THSD7B: variants seen among roughly 807,000 people sequenced by gnomAD.
The protein encoded by THSD7B is thrombospondin type 1 domain containing 7B.
Under a neutral mutation model 213.6 loss-of-function variants are expected in THSD7B, and 138 were observed. The ratio of observed to expected loss-of-function variants is 0.65; its 90% confidence interval spans 0.56 to 0.74. The LOEUF is 0.74. THSD7B is among the 30% of genes least tolerant of loss of function. The pLI, the probability that THSD7B is intolerant of heterozygous loss-of-function variation, is 0.00. For synonymous variants in THSD7B, 742 were observed against 687.0 expected (o/e 1.08, Z -1.25); for missense variants, 1,931 against 1,991.5 (o/e 0.97, Z 0.58).
intron 3 of THSD7B, among the ~76,000 whole-genome samples, chr2:137,091,452 C>T (rs374385352): frequency 2.0e-5 from 3 of 152,244 alleles, no homozygotes; most frequent in African/African-American, 7.2e-5. Context: ...CTCGGGCTGT[C>T]GTAAGAAGTT....
At chr2:137,315,562 T>G (rs1684076359) in intron 12 of THSD7B, among the ~76,000 whole-genome samples, 1 of 152,124 alleles carries the variant, frequency 6.6e-6, no homozygotes. Flanking sequence ...TTTTAAAACG[T>G]TTTTCAGTAG....
chr2:137,035,041 A>C (rs932382166), intron 2 of THSD7B, among the ~76,000 whole-genome samples: 3 of 152,176 alleles, frequency 2.0e-5, no homozygotes, highest in African/African-American at 4.8e-5. Flanking sequence ...GTTCTTTCTT[A>C]AAAGAGCTCT....
rs1573818736 is a variant in THSD7B, at chr2:137,093,564, A to G, written c.951-1309A>G. On this transcript the variant is annotated intron_variant, in intron 3 of 27. Transcript: ENST00000409968. ...AAGGTATGATTTCAAATCTTTGAATATGCTATCGTTTTACTTTAGAATAGT... is the reference window on the plus strand; with the variant it reads ...AAGGTATGATTTCAAATCTTTGAATGTGCTATCGTTTTACTTTAGAATAGT... Among the ~76,000 whole-genome samples the G allele has an allele frequency of 2.0e-5, 3 of 152,326 alleles. No individual in the cohort carries two copies. The South Asian group carries it at 6.2e-4, about 32-fold the overall frequency.
chr2:137,240,895 A>T (rs373269583), intron 9 of THSD7B, among the ~76,000 whole-genome samples: 93 of 152,234 alleles, frequency 6.1e-4, no homozygotes, highest in African/African-American at 2.1e-3. Flanking sequence ...ACTCTGAATT[A>T]TCATCTCTTT....
intron 12 of THSD7B, among the ~76,000 whole-genome samples, chr2:137,354,627 A>G (rs914875892): frequency 1.3e-5 from 2 of 152,108 alleles, no homozygotes; most frequent in African/African-American, 2.4e-5. Context: ...ACAGTTTTGA[A>G]TATAAGTTCT....
chr2:137,213,876 A>C (rs959050552), intron 7 of THSD7B, among the ~76,000 whole-genome samples: 1 of 152,112 alleles, frequency 6.6e-6, no homozygotes, highest in African/African-American at 2.4e-5. Flanking sequence ...GGATCACCCC[A>C]GCTGTTTCGT....
intron 15 of THSD7B, among the ~76,000 whole-genome samples, chr2:137,453,669 C>T (rs558112155): frequency 5.3e-5 from 8 of 152,178 alleles, no homozygotes; most frequent in East Asian, 3.9e-4. Context: ...GTACAATACA[C>T]TATTATTAAC....
intron 7 of THSD7B, among the ~76,000 whole-genome samples, chr2:137,206,674 A>G (rs191294400): frequency 6.6e-6 from 1 of 152,096 alleles, no homozygotes; most frequent in African/African-American, 2.4e-5. Flanking sequence ...GATTTTGCTC[A>G]GAAAAGCATT....
Position 136,983,371 on chromosome 2 carries a change from G to GACACACACACACACACACA in THSD7B, c.140-73049_140-73048insACACACACACACACACACA, listed in dbSNP as rs1398395384. Among the ~76,000 whole-genome samples the GACACACACACACACACACA allele has an allele frequency of 1.6e-3, 230 of 141,130 alleles. 2 individuals are homozygous for GACACACACACACACACACA. The highest frequency in any genetic ancestry group is 3.6e-3 in the Middle Eastern group (1 of 276). 92.6% of individuals were successfully genotyped at this position (141,130 alleles called of 152,430 possible). A position where few individuals can be genotyped will look rare whatever the true frequency, so the allele number is the denominator to read the frequency against. ...CACAGACACACAGACACACACACAC[G>GACACACACACACACACACA]CACACACACTCACTCTCTCTCTCTC... On this transcript the variant is annotated intron_variant, in intron 2 of 27. Transcript: ENST00000409968.
intron 3 of THSD7B, among the ~76,000 whole-genome samples, chr2:137,072,112 A>G (rs1687505421): frequency 6.6e-6 from 1 of 152,082 alleles, no homozygotes. Context: ...TTCCATATGA[A>G]CTTTAAAGTA....
intron 7 of THSD7B, among the ~76,000 whole-genome samples, chr2:137,227,636 T>C (rs1295551576): frequency 6.6e-6 from 1 of 152,174 alleles, no homozygotes; most frequent in East Asian, 1.9e-4. Flanking sequence ...CCAATGTATA[T>C]GGGCAGATGA....
intron 1 of THSD7B, among the ~76,000 whole-genome samples, chr2:136,842,020 A>G (rs1453814874): frequency 6.6e-6 from 1 of 152,184 alleles, no homozygotes; most frequent in Non-Finnish European, 1.5e-5. Flanking sequence ...ATGTGTATGG[A>G]ATGTCATACC....
At chr2:137,570,465 C>T (rs946451260) in intron 16 of THSD7B, among the ~76,000 whole-genome samples, 7 of 151,984 alleles carry the variant, frequency 4.6e-5, no homozygotes, top group African/African-American at 9.7e-5. Context: ...CCTGCCACCT[C>T]GCCCAGCTAA....
chr2:137,040,400 T>C (rs1408992279), intron 2 of THSD7B, among the ~76,000 whole-genome samples: 1 of 21,778 alleles, frequency 4.6e-5, no homozygotes, highest in African/African-American at 5.7e-5. Flanking sequence ...CTTCCTCTTC[T>C]TTTTTTTTTT....
At chr2:137,276,106 T>C (rs1198783960) in intron 12 of THSD7B, 80 bp downstream of exon 12, 1 of 918,866 alleles carries the variant, frequency 1.1e-6, no homozygotes, top group Non-Finnish European at 1.6e-6. Flanking sequence ...CTTACTTTTA[T>C]ATTTGAATGA....
chr2:137,432,840 AC>A (rs1349779314), intron 14 of THSD7B, among the ~76,000 whole-genome samples: 1 of 152,150 alleles, frequency 6.6e-6, no homozygotes, highest in African/African-American at 2.4e-5. Flanking sequence ...CCTCAACTTC[AC>A]CAGTCTGTTT....
intron 1 of THSD7B, among the ~76,000 whole-genome samples, chr2:136,860,993 TG>T (rs1298341833): frequency 1.3e-5 from 2 of 152,274 alleles, no homozygotes; most frequent in African/African-American, 4.8e-5. Flanking sequence ...CGCAGATAGC[TG>T]CGTAGCTCAC....
At chr2:136,901,903 G>A (rs1684070153) in intron 2 of THSD7B, among the ~76,000 whole-genome samples, 1 of 152,312 alleles carries the variant, frequency 6.6e-6, no homozygotes, top group East Asian at 1.9e-4. Context: ...TTTTGAAATA[G>A]ACAAGCCAGC....
chr2:137,608,127 G>C (rs1682219955), intron 17 of THSD7B, among the ~76,000 whole-genome samples: 1 of 152,142 alleles, frequency 6.6e-6, no homozygotes. Flanking sequence ...CCTAGACTGG[G>C]AGCATCTTTT....
Sources: gnomAD v4.1 joint callset for allele counts (sites outside exome capture counted in the v4.1 genomes callset) on GRCh38, gnomAD v4.1.1 for gene constraint, MANE v1.5 for transcripts, NCBI Gene and HGNC (gene_info 2026-07-23, HGNC 2026-07-21) for gene names.